HRH1: variants seen among roughly 807,000 people sequenced by gnomAD.
HRH1 encodes histamine H1 receptor.
In HRH1, 6 loss-of-function variants were observed where a neutral mutation model predicts 10.3. The observed-to-expected ratio is 0.58, with a 90% CI of 0.32 to 1.15. The LOEUF (loss-of-function observed/expected upper bound fraction) is 1.15. HRH1 is among the 50% of genes most tolerant of loss of function. The probability of loss-of-function intolerance (pLI) is 0.05; values close to 1 mark genes in which losing one functional copy is unlikely to be tolerated. For synonymous variants in HRH1, 242 were observed against 236.7 expected, an observed-to-expected ratio of 1.02 and a Z score of -0.21; for missense variants, 514 against 615.3, an observed-to-expected ratio of 0.84 and a Z score of 1.74.
At chr3:11,139,663 G>A (rs143790667) in intron 1 of HRH1, among the ~76,000 whole-genome samples, 3 of 152,128 alleles carry the variant, frequency 2.0e-5, no homozygotes, top group Admixed American at 6.5e-5. Flanking sequence ...CACACAATGC[G>A]ATATTATCGA....
At chr3:11,145,030 T>C (rs1936404742) in intron 1 of HRH1, among the ~76,000 whole-genome samples, 1 of 152,166 alleles carries the variant, frequency 6.6e-6, no homozygotes. Flanking sequence ...TCCTCCTAAG[T>C]ATCTCTGGAA....
chr3:11,187,377 A>G (rs1015924950), intron 1 of HRH1, among the ~76,000 whole-genome samples: 1 of 152,046 alleles, frequency 6.6e-6, no homozygotes, highest in Non-Finnish European at 1.5e-5. Flanking sequence ...TACAAAGGTT[A>G]TATAATAGAA....
chr3:11,168,411 C>T (rs930259838), intron 1 of HRH1, among the ~76,000 whole-genome samples: 2 of 152,178 alleles, frequency 1.3e-5, no homozygotes, highest in Non-Finnish European at 2.9e-5. Context: ...GGGGACCCCA[C>T]CGGAGGCCAG....
At chr3:11,197,009 C>CAGCT (rs1937683732) in intron 1 of HRH1, among the ~76,000 whole-genome samples, 1 of 150,150 alleles carries the variant, frequency 6.7e-6, no homozygotes, top group East Asian at 2.0e-4. Context: ...CCTGTAGTCC[C>CAGCT]AGCTACTCAG....
At chr3:11,159,349 T>C (rs1219517810) in intron 1 of HRH1, among the ~76,000 whole-genome samples, 1 of 152,248 alleles carries the variant, frequency 6.6e-6, no homozygotes, top group Non-Finnish European at 1.5e-5. Context: ...CTCTAGGTTT[T>C]TGGTAGATAC....
intron 1 of HRH1, chr3:11,234,391 G>T: frequency 6.9e-6 from 11 of 1,603,956 alleles, no homozygotes; most frequent in Non-Finnish European, 9.4e-6. Flanking sequence ...ATTTCTGCAG[G>T]CATTCCTGCA....
At chr3:11,176,032 G>T (rs1216239730) in intron 1 of HRH1, among the ~76,000 whole-genome samples, 3 of 151,980 alleles carry the variant, frequency 2.0e-5, no homozygotes, top group East Asian at 3.9e-4. Context: ...AATTAGCCAG[G>T]CATGGTGGTA....
At chr3:11,234,183 A>G in intron 1 of HRH1, 2 of 892,060 alleles carry the variant, frequency 2.2e-6, no homozygotes, top group Non-Finnish European at 3.5e-6. Flanking sequence ...CTTTCTTGGA[A>G]GGTGACAACA....
At chr3:11,218,172 C>A (rs980301666) in intron 1 of HRH1, among the ~76,000 whole-genome samples, 16 of 152,136 alleles carry the variant, frequency 1.1e-4, no homozygotes, top group Non-Finnish European at 2.2e-4. Context: ...TAAGGCCAGG[C>A]GCGGTGGCTC....
At chr3:11,236,811 G>A (rs1453291703) in intron 1 of HRH1, among the ~76,000 whole-genome samples, 5 of 152,230 alleles carry the variant, frequency 3.3e-5, no homozygotes, top group Non-Finnish European at 7.3e-5. Flanking sequence ...AAGAGCCCCA[G>A]GTGTGGGATG....
chr3:11,222,465 C>T (rs1317798589), intron 1 of HRH1, among the ~76,000 whole-genome samples: 6 of 152,280 alleles, frequency 3.9e-5, no homozygotes, highest in South Asian at 2.1e-4. Flanking sequence ...TTGCCTATCA[C>T]GCATCCATTT....
chr3:11,219,322 T>G (rs1021804112), intron 1 of HRH1, among the ~76,000 whole-genome samples: 2 of 152,166 alleles, frequency 1.3e-5, no homozygotes, highest in African/African-American at 4.8e-5. Flanking sequence ...GGCGATGAGT[T>G]CATGGTTGCG....
At chr3:11,217,686 C>CTAAAATGGTTAGAA (rs1938559387) in intron 1 of HRH1, among the ~76,000 whole-genome samples, 3 of 152,148 alleles carry the variant, frequency 2.0e-5, no homozygotes, top group African/African-American at 4.8e-5. Flanking sequence ...CATTGCTGAT[C>CTAAAATGGTTAGAA]TGTACACTTT....
At chr3:11,152,389 C>G (rs943475938), upstream of HRH1, among the ~76,000 whole-genome samples, 30 of 152,282 alleles carry the variant, frequency 2.0e-4, no homozygotes, top group Middle Eastern at 6.8e-3. Context: ...AAACAACCCA[C>G]ACCCTGCTTA....
chr3:11,246,699 A>G (rs1482064966), intron 1 of HRH1, among the ~76,000 whole-genome samples: 2 of 152,242 alleles, frequency 1.3e-5, no homozygotes, highest in African/African-American at 4.8e-5. Context: ...CAATTCAATC[A>G]TAACTTTTCT....
At chr3:11,186,906 A>C (rs1937459895) in intron 1 of HRH1, among the ~76,000 whole-genome samples, 2 of 152,226 alleles carry the variant, frequency 1.3e-5, no homozygotes, top group African/African-American at 4.8e-5. Context: ...ATTATTCAAT[A>C]AATGGGCTTG....
At chr3:11,193,570 C>A (rs1333385234) in intron 1 of HRH1, among the ~76,000 whole-genome samples, 2 of 152,084 alleles carry the variant, frequency 1.3e-5, no homozygotes, top group African/African-American at 2.4e-5. Flanking sequence ...TCTGTCTTCA[C>A]ATGGTGGGAA....
At chr3:11,204,071 G>A (rs1236343430) in intron 1 of HRH1, among the ~76,000 whole-genome samples, 1 of 152,106 alleles carries the variant, frequency 6.6e-6, no homozygotes, top group Admixed American at 6.5e-5. Context: ...AACACCTACT[G>A]TGTGCCAAAA....
upstream of HRH1, among the ~76,000 whole-genome samples, chr3:11,152,606 C>T (rs972939366): frequency 6.8e-6 from 1 of 145,988 alleles, no homozygotes; most frequent in Admixed American, 6.9e-5. Context: ...AGGCTTCCCC[C>T]ACCCGCCCTG....
Sources: allele counts gnomAD v4.1 joint callset (sites outside exome capture counted in the v4.1 genomes callset), GRCh38; gene constraint gnomAD v4.1.1; transcripts MANE v1.5; gene names NCBI Gene and HGNC (gene_info 2026-07-23, HGNC 2026-07-21).